ANLN: variants seen among roughly 807,000 people sequenced by gnomAD.
The protein encoded by ANLN is anillin, actin binding protein.
Under a neutral mutation model 135.1 loss-of-function variants are expected in ANLN, and 59 were observed. The ratio of observed to expected loss-of-function variants is 0.44; its 90% CI spans 0.35 to 0.54. The LOEUF is 0.54. ANLN is among the 20% of genes least tolerant of loss of function. The pLI is 0.00. For missense variants in ANLN, 1,182 were observed against 1,340.0 expected, an observed-to-expected ratio of 0.88 and a Z score of 1.84; for synonymous variants, 406 against 456.4, an observed-to-expected ratio of 0.89 and a Z score of 1.41.
At chr7:36,432,213 GA>G (rs1228338583) in intron 20 of ANLN, among the ~76,000 whole-genome samples, 10 of 152,188 alleles carry the variant, frequency 6.6e-5, no homozygotes, top group Admixed American at 6.5e-5. Context: ...CTGAGTGACA[GA>G]GTGAGACCTT....
intron 20 of ANLN, among the ~76,000 whole-genome samples, chr7:36,429,582 A>G (rs1431277807): frequency 6.6e-6 from 1 of 152,206 alleles, no homozygotes; most frequent in East Asian, 1.9e-4. Context: ...AAGAGATGCT[A>G]ATTAACAAAA....
At chr7:36,450,149 A>G (rs1403674364) in intron 23 of ANLN, among the ~76,000 whole-genome samples, 1 of 152,226 alleles carries the variant, frequency 6.6e-6, no homozygotes, top group Non-Finnish European at 1.5e-5. Context: ...TTGAGGAGTC[A>G]AGCATTATTC....
At chr7:36,412,268 G>A (rs953403827) in intron 7 of ANLN, among the ~76,000 whole-genome samples, 6 of 146,064 alleles carry the variant, frequency 4.1e-5, no homozygotes, top group East Asian at 2.0e-4. Flanking sequence ...TTCTAGTCTC[G>A]CTACCCTCCA....
chr7:36,394,853 T>TTAC (rs1446538925), intron 1 of ANLN, among the ~76,000 whole-genome samples: 1 of 152,180 alleles, frequency 6.6e-6, no homozygotes, highest in Non-Finnish European at 1.5e-5. Flanking sequence ...ATGAATTGTT[T>TTAC]TACAGGGTCT....
chr7:36,395,908 A>G (rs997707569), intron 1 of ANLN, among the ~76,000 whole-genome samples: 4 of 152,146 alleles, frequency 2.6e-5, no homozygotes, highest in Admixed American at 2.0e-4. Context: ...CTTGATGCCT[A>G]AAAGTCTCAC....
Position 36,420,282 on chromosome 7 carries a change from C to T in ANLN, c.1983C>T (p.Ser661=). The T allele has an allele frequency of 6.2e-7, 1 of 1,614,010 alleles. No individual in the cohort carries two copies. Among genetic ancestry groups the T allele is most frequent in the East Asian group, 2.2e-5 (1 of 44,864 alleles). ...TRVPRAESGD[S]LGSEDRDLLY... The stretch of plus-strand genomic sequence containing the variant: ...TCCCTCGAGCTGAATCTGGTGATAG[C>T]CTTGGTTCTGAAGATCGTGATCTTC... Residue 661 remains serine, a synonymous_variant, in exon 11 of 24, where the codon AGC becomes AGT. Transcript: ENST00000265748.
intron 21 of ANLN, 127 bp downstream of exon 21, chr7:36,439,417 C>T (rs1788674318): frequency 3.4e-6 from 2 of 595,606 alleles, no homozygotes; most frequent in South Asian, 4.3e-5. Flanking sequence ...TGTTTTATGT[C>T]CTTTATATGC....
chr7:36,420,257 T>A lies in ANLN; in HGVS notation c.1958T>A (p.Val653Asp), dbSNP rs770839398. Residue 653 changes from valine to aspartate, a missense_variant, in exon 11 of 24, where the codon GTC (valine) becomes GAC (aspartate). Physicochemically the swap from Val to Asp is radical, Grantham distance 152. Around this residue, in one of 3 missense-constraint regions of ANLN, gnomAD observed 1,022 missense variants for 1,134.0 expected, o/e 0.90. Transcript: ENST00000265748. The stretch of plus-strand genomic sequence containing the variant: ...CCAGGAAAATTCCAAAGAACTCGTG[T>A]CCCTCGAGCTGAATCTGGTGATAGC... ...PKPGKFQRTR[V>D]PRAESGDSLG... 3.1e-6 allele frequency: 5 copies of A among 1,613,984 alleles called. No homozygotes were observed. The East Asian group carries it at 1.1e-4, about 36-fold the overall frequency.
rs1237486503 is a variant in ANLN at position 36,422,690 on chromosome 7, A to C, written c.2357A>C (p.Gln786Pro). 1 of 1,612,922 alleles carries C rather than the reference A, an allele frequency of 6.2e-7. No individual in the cohort carries two copies. The highest frequency in any genetic ancestry group is 2.2e-5 in the East Asian group (1 of 44,854). Residue 786 changes from glutamine to proline, a missense_variant, in exon 14 of 24, where the codon CAG becomes CCG. This residue lies in a region of ANLN where 1,022 missense variants were observed against 1,134.0 expected (regional missense o/e 0.90). Coordinates refer to ENST00000265748, the MANE Select transcript of ANLN (RefSeq NM_018685.5). ...ELNKLKNEGP[Q>P]RKNKASPQSE... ...AATAAATTGAAGAACGAAGGACCTC[A>C]GAGGAAGAATAAGGCTAGTCCCCAA... is the stretch of plus-strand genomic sequence containing the variant.
At chr7:36,434,558 T>C (rs1169619081) in intron 20 of ANLN, among the ~76,000 whole-genome samples, 1 of 152,214 alleles carries the variant, frequency 6.6e-6, no homozygotes, top group Non-Finnish European at 1.5e-5. Flanking sequence ...TTTAGGTTCC[T>C]TTTCTTTAAA....
At chr7:36,395,406 A>G (rs2116501856) in intron 1 of ANLN, among the ~76,000 whole-genome samples, 1 of 152,142 alleles carries the variant, frequency 6.6e-6, no homozygotes, top group Non-Finnish European at 1.5e-5. Flanking sequence ...CCATGGTCAT[A>G]TTTTCCCTGA....
At chr7:36,427,105 A>G (rs980995894) in intron 20 of ANLN, 77 bp downstream of exon 20, 68 of 886,294 alleles carry the variant, frequency 7.7e-5, no homozygotes, top group Middle Eastern at 4.9e-4. Flanking sequence ...AAATGCCACA[A>G]TGCTTTTAGG....
At chr7:36,423,324 A>G (rs1013132541) in intron 14 of ANLN, among the ~76,000 whole-genome samples, 5 of 152,066 alleles carry the variant, frequency 3.3e-5, no homozygotes, top group Admixed American at 1.3e-4. Flanking sequence ...TCTGATTTTG[A>G]TGGGGTGTGG....
intron 1 of ANLN, among the ~76,000 whole-genome samples, chr7:36,393,569 TG>T (rs768713356): frequency 6.6e-6 from 1 of 152,204 alleles, no homozygotes; most frequent in Non-Finnish European, 1.5e-5. Flanking sequence ...ATGCATCCCA[TG>T]TTCACTTTGG....
intron 13 of ANLN, 150 bp downstream of exon 13, chr7:36,422,142 T>G: frequency 1.0e-6 from 1 of 993,092 alleles, no homozygotes; most frequent in Non-Finnish European, 1.4e-6. Context: ...TTATAAGGTT[T>G]AAGAACTCTA....
intron 3 of ANLN, among the ~76,000 whole-genome samples, chr7:36,402,661 A>T (rs1408181741): frequency 6.6e-6 from 1 of 152,100 alleles, no homozygotes; most frequent in African/African-American, 2.4e-5. Context: ...TTGCTTTTCT[A>T]CTGCTTGCTT....
At chr7:36,427,922 A>C (rs1336811122) in intron 20 of ANLN, among the ~76,000 whole-genome samples, 2 of 152,158 alleles carry the variant, frequency 1.3e-5, no homozygotes, top group Admixed American at 1.3e-4. Context: ...TACAGTGATA[A>C]TTTATATTAT....
chr7:36,410,988 A>G, intron 6 of ANLN, 71 bp from the exon 7 acceptor site: 1 of 1,416,186 alleles, frequency 7.1e-7, no homozygotes, highest in Non-Finnish European at 9.6e-7. Context: ...AAACAAGGAA[A>G]ATTTTAGTAG....
At chr7:36,433,818 A>G (rs1011090581) in intron 20 of ANLN, among the ~76,000 whole-genome samples, 2 of 151,992 alleles carry the variant, frequency 1.3e-5, no homozygotes, top group African/African-American at 4.8e-5. Flanking sequence ...AGCCTAGCCA[A>G]TGCATTTTTA....
Sources: allele counts gnomAD v4.1 joint callset (sites outside exome capture counted in the v4.1 genomes callset), GRCh38; gene constraint gnomAD v4.1.1; regional missense constraint gnomAD v4.1.1; transcripts MANE v1.5; gene names NCBI Gene and HGNC (gene_info 2026-07-23, HGNC 2026-07-21).